BCORL1: variants seen among roughly 807,000 people sequenced by gnomAD.
BCORL1 encodes the protein BCL-6 corepressor-like protein 1.
A neutral mutation model predicts 87.6 loss-of-function variants in BCORL1; 7 were observed. That is an observed-to-expected ratio of 0.08 (90% CI 0.05 to 0.15). BCORL1 has a LOEUF of 0.15. BCORL1 is among the 10% of genes least tolerant of loss of function. The pLI is 1.00. For synonymous variants in BCORL1, 591 were observed against 634.4 expected (o/e 0.93, Z 1.03); for missense variants, 1,215 against 1,499.7 (o/e 0.81, Z 3.13).
At chrX:130,006,178 A>G (rs916837027) in intron 2 of BCORL1, among the ~76,000 whole-genome samples, 4 of 110,823 alleles carry the variant, frequency 3.6e-5, no homozygotes, top group Non-Finnish European at 5.7e-5. Flanking sequence ...AGAGTTGGTG[A>G]CACCTGCCTC....
Position 130,005,259 on chromosome X carries a change from G to A in BCORL1, c.28G>A (p.Gly10Ser), listed in dbSNP as rs1325772447. 7 of 1,210,148 alleles carry A rather than the reference G, an allele frequency of 5.8e-6. No homozygotes were observed. Among genetic ancestry groups the A allele is most frequent in the Admixed American group, 2.2e-5 (1 of 45,743 alleles). Residue 10 changes from glycine (G) to serine (S), a missense_variant, in exon 2 of 14, where the codon GGC becomes AGC. Transcript: ENST00000540052. ...GATCTCTACAGCACCGCTCTACAGC[G>A]GCGTGCACAACTGGACCAGTTCTGA... MISTAPLYSGVHNWTSSDRI... is the reference protein window; with the variant it reads MISTAPLYSSVHNWTSSDRI...
At chrX:130,054,319 C>A (rs947675433) in intron 13 of BCORL1, among the ~76,000 whole-genome samples, 1 of 111,485 alleles carries the variant, frequency 9.0e-6, no homozygotes, top group Non-Finnish European at 1.9e-5. Context: ...AGTAGTATTA[C>A]AATAGGGATG....
intron 11 of BCORL1, among the ~76,000 whole-genome samples, chrX:130,042,379 G>A (rs190989141): frequency 2.5e-4 from 28 of 112,312 alleles, no homozygotes; most frequent in Admixed American, 3.8e-4. Flanking sequence ...ACAAGTGTGA[G>A]CCACCATGCC....
chrX:130,013,963 G>T lies in BCORL1; in HGVS notation c.1191G>T (p.Met397Ile). ...TCTTTACTCCAGCCCCTACACCCAT[G>T]CCTGCTGCCACGCCAGCTGCCATTC... ...APIFTPAPTP[M>I]PAATPAAIPT... The change falls in exon 4 of 14, where the codon ATG becomes ATT. Residue 397 changes from methionine to isoleucine, a missense_variant. Coordinates refer to ENST00000540052, the MANE Select transcript of BCORL1 (RefSeq NM_001379451.1). The T allele has an allele frequency of 1.7e-6, 2 of 1,197,184 alleles. No homozygotes were observed. The highest frequency in any genetic ancestry group is 1.1e-6 in the Non-Finnish European group (1 of 889,597).
At chrX:129,983,760 TC>T (rs1926341488) in intron 1 of BCORL1, among the ~76,000 whole-genome samples, 1 of 93,734 alleles carries the variant, frequency 1.1e-5, no homozygotes, top group Admixed American at 1.1e-4. Flanking sequence ...GAAGATGAGA[TC>T]GGGGGCAATT....
chrX:129,993,933 C>CT (rs1215763956), intron 1 of BCORL1, among the ~76,000 whole-genome samples: 1 of 109,130 alleles, frequency 9.2e-6, no homozygotes, highest in Non-Finnish European at 1.9e-5. Context: ...TACAGATGCC[C>CT]CCCCACCATG....
At chrX:130,033,063 A>AT (rs1045219747) in intron 8 of BCORL1, among the ~76,000 whole-genome samples, 5 of 103,165 alleles carry the variant, frequency 4.8e-5, no homozygotes, top group African/African-American at 1.8e-4. Flanking sequence ...ATGCCCGGCA[A>AT]TTTTTTTTCT....
chrX:129,994,449 G>A (rs1212697746), intron 1 of BCORL1, among the ~76,000 whole-genome samples: 3 of 111,782 alleles, frequency 2.7e-5, no homozygotes, highest in Non-Finnish European at 5.6e-5. Context: ...GGATGCTAAC[G>A]CTCACAGAGG....
chrX:130,052,198 A>G (rs1476222875), intron 13 of BCORL1, among the ~76,000 whole-genome samples, 182 bp downstream of exon 13: 2 of 112,488 alleles, frequency 1.8e-5, no homozygotes, highest in Admixed American at 1.9e-4. Context: ...CTCCATGGAC[A>G]TTGACTATCT....
intron 11 of BCORL1, among the ~76,000 whole-genome samples, chrX:130,042,219 G>A (rs1407026460): frequency 9.0e-6 from 1 of 111,253 alleles, no homozygotes; most frequent in Admixed American, 9.6e-5. Context: ...CTCCCAAGTA[G>A]CTAGGACCAC....
At chrX:130,026,702 G>C (rs764618921) in intron 7 of BCORL1, among the ~76,000 whole-genome samples, 49 of 112,752 alleles carry the variant, frequency 4.3e-4, no homozygotes, top group Non-Finnish European at 8.1e-4. Context: ...TTGACAGGTA[G>C]CCAGCCAGCC....
chrX:130,017,885 T>C (rs1487709327), intron 4 of BCORL1, among the ~76,000 whole-genome samples: 1 of 111,536 alleles, frequency 9.0e-6, no homozygotes, highest in Non-Finnish European at 1.9e-5. Context: ...ATCCTCCTGC[T>C]TCAGCCTCCC....
intron 1 of BCORL1, among the ~76,000 whole-genome samples, chrX:129,984,407 G>C (rs1926428760): frequency 9.1e-6 from 1 of 110,389 alleles, no homozygotes; most frequent in African/African-American, 3.3e-5. Flanking sequence ...GGAGCCCCGG[G>C]GGCCGGGTGC....
chrX:130,011,207 C>A (rs1928932856), intron 2 of BCORL1, among the ~76,000 whole-genome samples: 1 of 108,301 alleles, frequency 9.2e-6, no homozygotes, highest in Admixed American at 9.9e-5. Context: ...CCCACAGCTC[C>A]CAAGGGCAGG....
intron 11 of BCORL1, among the ~76,000 whole-genome samples, chrX:130,045,910 A>G (rs972787429): frequency 2.7e-5 from 3 of 111,066 alleles, no homozygotes; most frequent in Non-Finnish European, 5.7e-5. Flanking sequence ...GAGCCATTGC[A>G]CTGAGCTTCT....
rs184241158 is a variant in BCORL1, at chrX:129,995,353, G to A, written c.-44-9835G>A. Among the ~76,000 whole-genome samples, 381 of 111,647 alleles carry A rather than the reference G, an allele frequency of 3.4e-3. 1 individual carries two copies. The highest frequency in any genetic ancestry group is 5.1e-3 in the Non-Finnish European group (270 of 53,090). ...CAGGGAATATTTGGTTAATGGTAGG[G>A]AAAGATGAGGGAATATAGATATTGG... is the stretch of plus-strand genomic sequence containing the variant. On this transcript the variant is annotated intron_variant, in intron 1 of 13. Coordinates refer to ENST00000540052, the MANE Select transcript of BCORL1 (RefSeq NM_001379451.1).
rs1569369115 is a variant in BCORL1, at chrX:130,014,743, C to T, written c.1971C>T (p.Leu657=). 8.3e-7 allele frequency: 1 copy of T among 1,211,591 alleles called. No homozygotes were observed. The highest frequency in any genetic ancestry group is 1.1e-6 in the Non-Finnish European group (1 of 895,455). ...CCGTGCACACCAGCAGCAAGGCCCT[C>T]CTCTCCACAGTCCTGTCTAGGTCTC... ...LTPVHTSSKA[L]LSTVLSRSQR... Residue 657 remains leucine (L), a synonymous_variant, in exon 4 of 14, where the codon CTC becomes CTT. Coordinates refer to ENST00000540052, the MANE Select transcript of BCORL1 (RefSeq NM_001379451.1).
rs1038804647 is a variant in BCORL1, at chrX:129,997,778, C to T, written c.-44-7410C>T. On this transcript the variant is annotated intron_variant, in intron 1 of 13. Coordinates refer to ENST00000540052, the MANE Select transcript of BCORL1 (RefSeq NM_001379451.1). ...TTGCACTCCAGCCTTGGTGACAGAGCGAGACTCCGACTCACCAAAAAAAAA... is the reference window on the plus strand; with the variant it reads ...TTGCACTCCAGCCTTGGTGACAGAGTGAGACTCCGACTCACCAAAAAAAAA... 7.1e-5 allele frequency among the ~76,000 whole-genome samples: 6 copies of T among 83,940 alleles called. No homozygotes were observed. In the South Asian group the frequency reaches 1.9e-3, roughly 26 times the overall value. The allele number at this position is 83,940 out of a possible 115,157, so 72.9% of individuals were successfully genotyped here. A position where few individuals can be genotyped will look rare whatever the true frequency, so the allele number is the denominator to read the frequency against.
At chrX:129,992,308 C>T (rs998226449) in intron 1 of BCORL1, among the ~76,000 whole-genome samples, 14 of 110,685 alleles carry the variant, frequency 1.3e-4, no homozygotes, top group African/African-American at 4.6e-4. Context: ...TTGGTGGCGC[C>T]AGGTGTGGTG....
Sources: allele counts gnomAD v4.1 joint callset (sites outside exome capture counted in the v4.1 genomes callset), GRCh38; gene constraint gnomAD v4.1.1; transcripts MANE v1.5; gene names NCBI Gene and HGNC (gene_info 2026-07-23, HGNC 2026-07-21).